Variants in TMEM163 observed in about 807,000 individuals in gnomAD.
TMEM163 encodes the protein transmembrane protein 163.
Under a neutral mutation model 29.3 loss-of-function variants are expected in TMEM163, and 17 were observed. That is an observed-to-expected ratio of 0.58 (90% CI 0.40 to 0.87). The LOEUF is 0.87. Ranked by LOEUF, TMEM163 falls within the 40% of genes least tolerant of loss-of-function variation. The pLI, the probability that TMEM163 is intolerant of heterozygous loss-of-function variation, is 0.00. For missense variants in TMEM163, 303 were observed against 381.5 expected, an observed-to-expected ratio of 0.79 and a Z score of 1.71; for synonymous variants, 157 against 160.6, an observed-to-expected ratio of 0.98 and a Z score of 0.17.
At chr2:134,497,512 C>G (rs986003421) in intron 5 of TMEM163, among the ~76,000 whole-genome samples, 5 of 152,166 alleles carry the variant, frequency 3.3e-5, no homozygotes, top group Admixed American at 6.5e-5. Flanking sequence ...CACTAATGAG[C>G]TGGTCATTGA....
chr2:134,566,617 T>C (rs1236344962), intron 2 of TMEM163, among the ~76,000 whole-genome samples: 2 of 152,092 alleles, frequency 1.3e-5, no homozygotes, highest in Non-Finnish European at 2.9e-5. Flanking sequence ...TGAGGACAAA[T>C]GTCTCATTTG....
chr2:134,583,016 C>A (rs1681731364), intron 2 of TMEM163, among the ~76,000 whole-genome samples: 1 of 152,184 alleles, frequency 6.6e-6, no homozygotes, highest in Non-Finnish European at 1.5e-5. Flanking sequence ...TCTATTTTAA[C>A]AGGCATCTCT....
intron 2 of TMEM163, among the ~76,000 whole-genome samples, chr2:134,671,823 G>C (rs1397305633): frequency 6.6e-6 from 1 of 152,174 alleles, no homozygotes; most frequent in Non-Finnish European, 1.5e-5. Flanking sequence ...CTCTCTAGCT[G>C]TGACTTAGGA....
chr2:134,621,957 T>A (rs908561088), intron 2 of TMEM163, among the ~76,000 whole-genome samples: 1 of 152,162 alleles, frequency 6.6e-6, no homozygotes, highest in Non-Finnish European at 1.5e-5. Flanking sequence ...AATGGAGTAC[T>A]ATTCAATAAT....
chr2:134,691,858 T>A (rs920289731), intron 2 of TMEM163, among the ~76,000 whole-genome samples: 1 of 152,220 alleles, frequency 6.6e-6, no homozygotes, highest in African/African-American at 2.4e-5. Context: ...TCTGTATCCT[T>A]GTACAATCCT....
rs779060126 is a variant in TMEM163, at chr2:134,713,363, A to G, written c.203-44T>C. On this transcript the variant is annotated intron_variant, in intron 1 of 7. Coordinates refer to ENST00000281924, the MANE Select transcript of TMEM163 (RefSeq NM_030923.5). ...AAGGGAAGTTAGACATTTCCTTACTAAGAAACCCACAGCGAGAGCTACAAT... is the reference window on the plus strand; with the variant it reads ...AAGGGAAGTTAGACATTTCCTTACTGAGAAACCCACAGCGAGAGCTACAAT... The G allele has an allele frequency of 3.7e-6, 6 of 1,610,114 alleles. No homozygotes were observed. In the Admixed American group the frequency reaches 1.0e-4, roughly 27 times the overall value.
intron 4 of TMEM163, among the ~76,000 whole-genome samples, chr2:134,536,021 C>A (rs915568796): frequency 1.3e-5 from 2 of 152,280 alleles, no homozygotes; most frequent in South Asian, 2.1e-4. Flanking sequence ...CCGCGCCCAG[C>A]CTTGTTTGTA....
Position 134,483,438 on chromosome 2 carries a change from A to T in TMEM163, c.556-17213T>A, listed in dbSNP as rs140460490. On this transcript the variant is annotated intron_variant, in intron 5 of 7. Coordinates refer to ENST00000281924, the MANE Select transcript of TMEM163 (RefSeq NM_030923.5). Reference sequence around the variant, plus strand: ...GCCTGCTTTTGCTCCCTGCATTGGTATGAACACCACACCAACACCCCAGTA... The same window carrying T: ...GCCTGCTTTTGCTCCCTGCATTGGTTTGAACACCACACCAACACCCCAGTA... 4.2e-4 allele frequency among the ~76,000 whole-genome samples: 64 copies of T among 152,320 alleles called. No individual in the cohort carries two copies. In the East Asian group the frequency reaches 0.012, roughly 29 times the overall value.
At chr2:134,528,893 A>G (rs1680352639) in intron 4 of TMEM163, among the ~76,000 whole-genome samples, 1 of 152,256 alleles carries the variant, frequency 6.6e-6, no homozygotes, top group Non-Finnish European at 1.5e-5. Context: ...ATGGTTAATA[A>G]CGGTGCATCA....
intron 5 of TMEM163, among the ~76,000 whole-genome samples, chr2:134,472,227 G>A (rs747616133): frequency 6.6e-6 from 1 of 152,196 alleles, no homozygotes; most frequent in Non-Finnish European, 1.5e-5. Context: ...TCAGGGGAAA[G>A]ATCAAATACA....
intron 2 of TMEM163, among the ~76,000 whole-genome samples, chr2:134,627,102 C>A (rs1054552908): frequency 6.6e-6 from 1 of 152,184 alleles, no homozygotes; most frequent in Admixed American, 6.5e-5. Flanking sequence ...TATTTCTTTT[C>A]TTTCCAGTGA....
chr2:134,584,007 C>G (rs1308520536), intron 2 of TMEM163, among the ~76,000 whole-genome samples: 1 of 152,144 alleles, frequency 6.6e-6, no homozygotes, highest in Non-Finnish European at 1.5e-5. Context: ...ACCATTTGTT[C>G]ACTGCTCCAT....
intron 2 of TMEM163, among the ~76,000 whole-genome samples, chr2:134,596,745 G>T (rs1428733980): frequency 6.6e-6 from 1 of 152,062 alleles, no homozygotes; most frequent in Non-Finnish European, 1.5e-5. Flanking sequence ...CTATCCATGA[G>T]CATGGAATGT....
In TMEM163 at chr2:134,542,621, T is replaced by G. The variant is rs147020945; in HGVS notation, c.458+7949A>C. The stretch of plus-strand genomic sequence containing the variant: ...CTAAAAGTGTACAATAAATGTAATG[T>G]GCTTGAATCATCCCCAAACCATCCC... On this transcript the variant is annotated intron_variant, in intron 4 of 7. Transcript: ENST00000281924. Among the ~76,000 whole-genome samples, 17 of 152,302 alleles carry G rather than the reference T, an allele frequency of 1.1e-4. No homozygotes were observed. In the East Asian group the frequency reaches 3.3e-3, roughly 29 times the overall value.
chr2:134,569,897 C>T (rs1223186433), intron 2 of TMEM163, among the ~76,000 whole-genome samples: 2 of 152,120 alleles, frequency 1.3e-5, no homozygotes, highest in African/African-American at 4.8e-5. Context: ...CACACTACCC[C>T]ACTCCATTAT....
chr2:134,703,954 A>G (rs1684755084), intron 2 of TMEM163, among the ~76,000 whole-genome samples: 1 of 151,900 alleles, frequency 6.6e-6, no homozygotes, highest in Non-Finnish European at 1.5e-5. Context: ...CATATTAAAC[A>G]CACTTATTTT....
chr2:134,673,892 T>C (rs1482585231), intron 2 of TMEM163, among the ~76,000 whole-genome samples: 2 of 152,236 alleles, frequency 1.3e-5, no homozygotes, highest in African/African-American at 4.8e-5. Context: ...TTTAAGCCAC[T>C]AAGTTTGTGG....
At chr2:134,680,319 G>T (rs1684202154) in intron 2 of TMEM163, among the ~76,000 whole-genome samples, 1 of 150,914 alleles carries the variant, frequency 6.6e-6, no homozygotes, top group Non-Finnish European at 1.5e-5. Context: ...TAAATTAAAA[G>T]ACTAAAATCA....
intron 2 of TMEM163, among the ~76,000 whole-genome samples, chr2:134,645,660 A>G (rs959864786): frequency 6.6e-6 from 1 of 152,254 alleles, no homozygotes; most frequent in South Asian, 2.1e-4. Flanking sequence ...AACTATTGAT[A>G]TACACAATTT....
Sources: gnomAD v4.1 joint callset for allele counts (sites outside exome capture counted in the v4.1 genomes callset) on GRCh38, gnomAD v4.1.1 for gene constraint, MANE v1.5 for transcripts, NCBI Gene and HGNC (gene_info 2026-07-23, HGNC 2026-07-21) for gene names.